Variants in RAB3D observed in about 807,000 individuals in gnomAD.
The protein encoded by RAB3D is ras-related protein Rab-3D.
Under a neutral mutation model 19.3 loss-of-function variants are expected in RAB3D, and 17 were observed. The ratio of observed to expected loss-of-function variants is 0.88; its 90% CI spans 0.60 to 1.32. The LOEUF (loss-of-function observed/expected upper bound fraction) is 1.32. Ranked by LOEUF, RAB3D falls within the 40% of genes most tolerant of loss-of-function variation. The pLI is 0.00. For missense variants in RAB3D, 223 were observed against 299.1 expected (o/e 0.75, Z 1.88); for synonymous variants, 103 against 119.9 (o/e 0.86, Z 0.92).
chr19:11,335,465 T>C lies in RAB3D; in HGVS notation c.454A>G (p.Arg152Gly). The C allele has an allele frequency of 6.2e-7, 1 of 1,614,086 alleles. No homozygotes were observed. The highest frequency in any genetic ancestry group is 8.5e-7 in the Non-Finnish European group (1 of 1,180,012). Residue 152 changes from arginine (R) to glycine (G), a missense_variant, in exon 4 of 5, where the codon AGG becomes GGG. Arg to Gly is a moderately radical substitution (Grantham distance 125). Coordinates refer to ENST00000222120, the MANE Select transcript of RAB3D (RefSeq NM_004283.4). ...ERVVPAEDGRRLADDLGFEFF... is the reference protein window; with the variant it reads ...ERVVPAEDGRGLADDLGFEFF... ...CACTAACCAAGGTCGTCGGCGAGCC[T>C]CCGGCCATCCTCAGCAGGCACAACA... is the stretch of plus-strand genomic sequence containing the variant.
chr19:11,331,720 G>A (rs1271609091), intron 4 of RAB3D, among the ~76,000 whole-genome samples: 1 of 151,366 alleles, frequency 6.6e-6, no homozygotes, highest in Non-Finnish European at 1.5e-5. Context: ...TCTAACCCCT[G>A]GGCTCAAGCA....
chr19:11,328,248 C>G (rs1327610442), intron 4 of RAB3D, among the ~76,000 whole-genome samples: 1 of 147,426 alleles, frequency 6.8e-6, no homozygotes, highest in African/African-American at 2.6e-5. Flanking sequence ...GCAGGAGGAT[C>G]ACTTGAACCT....
chr19:11,332,775 C>A (rs1190975842), intron 4 of RAB3D, among the ~76,000 whole-genome samples: 1 of 152,044 alleles, frequency 6.6e-6, no homozygotes, highest in Admixed American at 6.6e-5. Flanking sequence ...GCCACCATTC[C>A]TGGCCAAAGT....
chr19:11,322,171 G>A lies in RAB3D; in HGVS notation c.*3227C>T, dbSNP rs750936496. On this transcript the variant is annotated 3_prime_UTR_variant, in exon 5 of 5. Coordinates refer to ENST00000222120, the MANE Select transcript of RAB3D (RefSeq NM_004283.4). ...AGAAGAACCACATCCAGGATAGAAAGGACCAGCCAGAGCTCGTTCAGTAGT... is the reference window on the plus strand; with the variant it reads ...AGAAGAACCACATCCAGGATAGAAAAGACCAGCCAGAGCTCGTTCAGTAGT... 2 of 152,174 alleles carry A rather than the reference G, an allele frequency of 1.3e-5. No individual in the cohort carries two copies. Among genetic ancestry groups the A allele is most frequent in the Non-Finnish European group, 2.9e-5 (2 of 68,054 alleles). 9.4% of individuals were successfully genotyped at this position (152,174 alleles called of 1,614,324 possible).
intron 4 of RAB3D, chr19:11,326,681 G>A: frequency 1.6e-6 from 1 of 644,450 alleles, no homozygotes; most frequent in Non-Finnish European, 2.8e-6. Context: ...ATGGCTCATT[G>A]CAGCCTCAAC....
In RAB3D at chr19:11,325,206, T is replaced by TCCCCC. The variant is rs2080804506; in HGVS notation, c.*191_*192insGGGGG. 3.6e-6 allele frequency: 2 copies of TCCCCC among 550,404 alleles called. No individual in the cohort carries two copies. The highest frequency in any genetic ancestry group is 3.1e-5 in the Admixed American group (1 of 32,158). The allele number at this position is 550,404 out of a possible 1,614,324, so 34.1% of individuals were successfully genotyped here. On this transcript the variant is annotated 3_prime_UTR_variant, in exon 5 of 5. Transcript: ENST00000222120. The stretch of plus-strand genomic sequence containing the variant: ...AGCTGAGTCCCCATGGTCCGCAGCC[T>TCCCCC]CCCACCGGGGCTGCCTGAGGAACCT...
chr19:11,324,060 C>G lies in RAB3D; in HGVS notation c.*1338G>C, dbSNP rs1301268561. Reference sequence around the variant, plus strand: ...CGGCACTGATCACAGTCCATCCCCCCCATTCACATAAGGTCCTGCCACTCT... The same window carrying G: ...CGGCACTGATCACAGTCCATCCCCCGCATTCACATAAGGTCCTGCCACTCT... On this transcript the variant is annotated 3_prime_UTR_variant, in exon 5 of 5. Transcript: ENST00000222120. The G allele has an allele frequency of 2.6e-5, 4 of 152,280 alleles. No individual in the cohort carries two copies. The highest frequency in any genetic ancestry group is 2.1e-4 in the South Asian group (1 of 4,820). 9.4% of individuals were successfully genotyped at this position (152,280 alleles called of 1,614,324 possible).
At chr19:11,337,052 C>T (rs1291967910) in intron 2 of RAB3D, 120 bp downstream of exon 2, 21 of 817,312 alleles carry the variant, frequency 2.6e-5, no homozygotes, top group Non-Finnish European at 3.6e-5. Context: ...CGAGATCCCG[C>T]CACTGCCCTC....
chr19:11,332,886 T>C (rs1231562543), intron 4 of RAB3D, among the ~76,000 whole-genome samples: 1 of 151,844 alleles, frequency 6.6e-6, no homozygotes, highest in Non-Finnish European at 1.5e-5. Flanking sequence ...TGAATCAAGC[T>C]GGCAGATTTC....
rs114207785 is a variant in RAB3D at position 11,326,388 on chromosome 19, A to G, written c.473-803T>C. Among the ~76,000 whole-genome samples, 568 of 152,262 alleles carry G rather than the reference A, an allele frequency of 3.7e-3. 9 individuals carry two copies. Among genetic ancestry groups the G allele is most frequent in the African/African-American group, 0.013 (550 of 41,568 alleles). ...GGAGCAAGACCCTGTCTCAAAAACA[A>G]AACAAAACGAAACCCTGCGGCTGCA... On this transcript the variant is annotated intron_variant, in intron 4 of 4. Coordinates refer to ENST00000222120, the MANE Select transcript of RAB3D (RefSeq NM_004283.4).
chr19:11,329,193 C>T (rs978015662), intron 4 of RAB3D, among the ~76,000 whole-genome samples: 9 of 151,830 alleles, frequency 5.9e-5, no homozygotes, highest in African/African-American at 2.2e-4. Context: ...GCAAGGATTA[C>T]AGGCATGAGC....
chr19:11,334,922 C>CA (rs1033852605), intron 4 of RAB3D, among the ~76,000 whole-genome samples: 17 of 151,676 alleles, frequency 1.1e-4, no homozygotes, highest in Non-Finnish European at 2.4e-4. Flanking sequence ...GACTCCAACT[C>CA]AAAAAAATAA....
chr19:11,326,868 C>T (rs1419751304), intron 4 of RAB3D: 1 of 624,184 alleles, frequency 1.6e-6, no homozygotes, highest in East Asian at 3.0e-5. Context: ...CCTAGGCCTC[C>T]CAAAGTGCTG....
intron 4 of RAB3D, among the ~76,000 whole-genome samples, chr19:11,328,949 T>A (rs1417199860): frequency 2.0e-5 from 3 of 150,288 alleles, no homozygotes; most frequent in South Asian, 4.2e-4. Flanking sequence ...TTTTTTTTTT[T>A]AAGACAGAGT....
chr19:11,337,254 G>A lies in RAB3D; in HGVS notation c.146C>T (p.Pro49Leu), dbSNP rs1338861475. 1 of 1,614,026 alleles carries A rather than the reference G, an allele frequency of 6.2e-7. No individual in the cohort carries two copies. Among genetic ancestry groups the A allele is most frequent in the African/African-American group, 1.3e-5 (1 of 74,918 alleles). The change falls in exon 2 of 5, where the codon CCC becomes CTC. Residue 49 changes from proline to leucine, a missense_variant. Physicochemically the swap from Pro to Leu is moderately conservative, Grantham distance 98. Transcript: ENST00000222120. ...LFRYADDSFT[P>L]AFVSTVGIDF... ...GATGCCCACAGTACTGACGAAGGCG[G>A]GAGTGAAGGAGTCGTCCGCGTATCG...
rs1253787648 is a variant in RAB3D, at chr19:11,334,259, C to A, written c.472+1188G>T. 2.0e-5 allele frequency among the ~76,000 whole-genome samples: 3 copies of A among 151,430 alleles called. No individual in the cohort carries two copies. The East Asian group carries it at 6.0e-4, about 30-fold the overall frequency. ...AGGCTGAGGCAGGTGGATCACCTGT[C>A]AGGGGTTCAAGACCAGCCTGGCCAA... On this transcript the variant is annotated intron_variant, in intron 4 of 4. Transcript: ENST00000222120.
At chr19:11,334,332 T>G (rs2080844717) in intron 4 of RAB3D, among the ~76,000 whole-genome samples, 1 of 151,904 alleles carries the variant, frequency 6.6e-6, no homozygotes, top group African/African-American at 2.4e-5. Context: ...GAGTCAGGCA[T>G]GCTGCGCACA....
rs1018050574 is a variant in RAB3D, at chr19:11,324,400, A to T, written c.*998T>A. ...CGGAGCCCAGGTGCTTACATCAGAA[A>T]GTCGCCGACAACTGCCTGCGGTGGC... is the stretch of plus-strand genomic sequence containing the variant. On this transcript the variant is annotated 3_prime_UTR_variant, in exon 5 of 5. Transcript: ENST00000222120. 14 of 152,220 alleles carry T rather than the reference A, an allele frequency of 9.2e-5. No homozygotes were observed. The highest frequency in any genetic ancestry group is 3.4e-4 in the African/African-American group (14 of 41,426). 9.4% of individuals were successfully genotyped at this position (152,220 alleles called of 1,614,324 possible).
intron 4 of RAB3D, among the ~76,000 whole-genome samples, chr19:11,329,572 A>C (rs1314802067): frequency 6.6e-6 from 1 of 151,210 alleles, no homozygotes. Flanking sequence ...GTGCCACTGC[A>C]CTCCAGCCTG....
Sources: gnomAD v4.1 joint callset for allele counts (sites outside exome capture counted in the v4.1 genomes callset) on GRCh38, gnomAD v4.1.1 for gene constraint, MANE v1.5 for transcripts, NCBI Gene and HGNC (gene_info 2026-07-23, HGNC 2026-07-21) for gene names.